HERC6: variants seen among roughly 807,000 people sequenced by gnomAD.
HERC6 encodes probable E3 ubiquitin-protein ligase HERC6.
A neutral mutation model predicts 114.5 loss-of-function variants in HERC6; 101 were observed. The observed-to-expected ratio is 0.88, with a 90% CI of 0.75 to 1.04. The LOEUF is 1.04. HERC6 is among the 50% of genes least tolerant of loss of function. HERC6 has a pLI of 0.00. For synonymous variants in HERC6, 408 were observed against 436.2 expected (o/e 0.94, Z 0.81); for missense variants, 1,133 against 1,230.9 (o/e 0.92, Z 1.19).
intron 5 of HERC6, among the ~76,000 whole-genome samples, chr4:88,394,048 C>G (rs1735067498): frequency 6.6e-6 from 1 of 152,058 alleles, no homozygotes; most frequent in Non-Finnish European, 1.5e-5. Flanking sequence ...ATATATATAC[C>G]AATATCTAGA....
chr4:88,424,083 A>G (rs1737345725), intron 14 of HERC6, 110 bp downstream of exon 14: 2 of 569,616 alleles, frequency 3.5e-6, no homozygotes, highest in Non-Finnish European at 6.1e-6. Flanking sequence ...AAATTTTTTA[A>G]TTGCAATGAT....
At chr4:88,419,869 G>A (rs1736855388) in intron 13 of HERC6, among the ~76,000 whole-genome samples, 1 of 152,074 alleles carries the variant, frequency 6.6e-6, no homozygotes, top group Admixed American at 6.6e-5. Context: ...TACTAATGTT[G>A]TGATAGAGAA....
chr4:88,412,364 G>C (rs1736155155), intron 11 of HERC6, among the ~76,000 whole-genome samples: 1 of 152,110 alleles, frequency 6.6e-6, no homozygotes, highest in Non-Finnish European at 1.5e-5. Context: ...CTAGCACTTT[G>C]GGAGGCCAAG....
chr4:88,431,196 G>A lies in HERC6; in HGVS notation c.2141G>A (p.Gly714Glu). 1.2e-6 allele frequency: 2 copies of A among 1,612,944 alleles called. No homozygotes were observed. The highest frequency in any genetic ancestry group is 1.7e-6 in the Non-Finnish European group (2 of 1,179,388). The change falls in exon 17 of 23, where the codon GGA becomes GAA. Residue 714 changes from glycine (G) to glutamate (E), a missense_variant. This residue lies in a region of HERC6 where 388 missense variants were observed against 445.9 expected (regional missense o/e 0.87). Transcript: ENST00000264346. ...ATTAATGAAATTTGTCCTGAGTCTG[G>A]AGGGGTTAGTTCAGAGTTCTTCCAC... ...EFINEICPES[G>E]GVSSEFFHCM...
chr4:88,398,336 A>G (rs1360019157), intron 8 of HERC6, 127 bp downstream of exon 8: 1 of 464,024 alleles, frequency 2.2e-6, no homozygotes, highest in African/African-American at 2.0e-5. Flanking sequence ...CCTATATTAG[A>G]ATGCTTATGA....
At chr4:88,437,496 C>T (rs1043343595) in intron 19 of HERC6, among the ~76,000 whole-genome samples, 3 of 152,034 alleles carry the variant, frequency 2.0e-5, no homozygotes, top group African/African-American at 7.2e-5. Context: ...AACAACTAAA[C>T]GATAATTTAG....
In HERC6 at chr4:88,416,924, T is replaced by C. The variant is rs1736533476; in HGVS notation, c.1559-501T>C. 2.0e-5 allele frequency among the ~76,000 whole-genome samples: 3 copies of C among 152,290 alleles called. No individual in the cohort carries two copies. The South Asian group carries it at 6.2e-4, about 32-fold the overall frequency. On this transcript the variant is annotated intron_variant, in intron 12 of 22. Transcript: ENST00000264346. Reference sequence around the variant, plus strand: ...GAATTTAAAGGTTCCACATTCCAAATCCATGTTGCAATCCAGTAATATTAA... The same window carrying C: ...GAATTTAAAGGTTCCACATTCCAAACCCATGTTGCAATCCAGTAATATTAA...
At chr4:88,439,236 C>T (rs1221655863) in intron 20 of HERC6, among the ~76,000 whole-genome samples, 2 of 151,980 alleles carry the variant, frequency 1.3e-5, no homozygotes, top group Non-Finnish European at 2.9e-5. Flanking sequence ...GAGCTGGGCA[C>T]CATGGTGCAT....
intron 7 of HERC6, among the ~76,000 whole-genome samples, chr4:88,397,554 G>A (rs1436338905): frequency 4.6e-5 from 7 of 151,782 alleles, no homozygotes; most frequent in Middle Eastern, 3.4e-3. Context: ...AAAATTAGCC[G>A]GGCGTGGTGG....
intron 13 of HERC6, among the ~76,000 whole-genome samples, chr4:88,422,626 C>A (rs865932373): frequency 2.6e-5 from 4 of 152,090 alleles, no homozygotes; most frequent in African/African-American, 4.8e-5. Context: ...TTCAAAGATT[C>A]CATTTGCTGA....
At chr4:88,428,797 T>G (rs1296628740) in intron 16 of HERC6, 47 bp downstream of exon 16, 17 of 1,391,402 alleles carry the variant, frequency 1.2e-5, no homozygotes, top group Non-Finnish European at 1.6e-5. Context: ...GTGGGAGGGA[T>G]GCATTCATAT....
chr4:88,419,147 C>T (rs1313640654), intron 13 of HERC6, among the ~76,000 whole-genome samples: 10 of 152,202 alleles, frequency 6.6e-5, no homozygotes, highest in Admixed American at 5.9e-4. Flanking sequence ...CCAATGGATA[C>T]TGTTAGATCA....
intron 12 of HERC6, among the ~76,000 whole-genome samples, chr4:88,413,660 A>G (rs1400896584): frequency 1.3e-5 from 2 of 152,178 alleles, no homozygotes; most frequent in Non-Finnish European, 2.9e-5. Flanking sequence ...TAAACTTTGT[A>G]TTATTATTAT....
intron 8 of HERC6, among the ~76,000 whole-genome samples, chr4:88,403,817 T>G (rs905615183): frequency 6.6e-6 from 1 of 151,798 alleles, no homozygotes; most frequent in African/African-American, 2.4e-5. Context: ...GAGGTAGGTA[T>G]TATTATCTTT....
rs760761464 is a variant in HERC6, at chr4:88,378,932, G to C, written c.11G>C (p.Cys4Ser). 4 of 1,592,896 alleles carry C rather than the reference G, an allele frequency of 2.5e-6. No individual in the cohort carries two copies. Among genetic ancestry groups the C allele is most frequent in the Non-Finnish European group, 3.4e-6 (4 of 1,170,544 alleles). ...GGGCGCAGAAGCGGGATGTACTTCT[G>C]TTGGGGCGCCGACTCCAGGGAGCTG... MYF[C>S]WGADSRELQR... Residue 4 changes from cysteine to serine, a missense_variant, in exon 1 of 23, where the codon TGT (cysteine) becomes TCT (serine). Physicochemically the swap from Cys to Ser is moderately radical, Grantham distance 112. Around this residue, in one of 3 missense-constraint regions of HERC6, gnomAD observed 735 missense variants for 754.0 expected, o/e 0.97. Coordinates refer to ENST00000264346, the MANE Select transcript of HERC6 (RefSeq NM_017912.4).
At position 88,413,189 on chromosome 4, in the gene HERC6, C is replaced by G. The variant is rs1424229191; in HGVS notation, c.1481C>G (p.Ser494Cys). The change falls in exon 12 of 23, where the codon TCT becomes TGT. Residue 494 changes from serine (S) to cysteine (C), a missense_variant. Coordinates refer to ENST00000264346, the MANE Select transcript of HERC6 (RefSeq NM_017912.4). ...CCAGAATGTCCTGTGATGCATGATT[C>G]TAAGAACTGGAAGAACCTGGTGGTT... ...LLPECPVMHD[S>C]KNWKNLVVPF... is the part of the protein sequence containing the mutation. 1 of 1,613,398 alleles carries G rather than the reference C, an allele frequency of 6.2e-7. No individual in the cohort carries two copies. Among genetic ancestry groups the G allele is most frequent in the African/African-American group, 1.3e-5 (1 of 74,874 alleles).
intron 15 of HERC6, among the ~76,000 whole-genome samples, chr4:88,426,835 CTCT>C (rs1737691438): frequency 2.0e-5 from 3 of 152,218 alleles, no homozygotes; most frequent in Admixed American, 2.0e-4. Context: ...ACCAGGTCAT[CTCT>C]TCTTTTATTT....
rs776371325 is a variant in HERC6 at position 88,413,149 on chromosome 4, G to T, written c.1441G>T (p.Val481Phe). 1.2e-6 allele frequency: 2 copies of T among 1,613,638 alleles called. No individual in the cohort carries two copies. Among genetic ancestry groups the T allele is most frequent in the African/African-American group, 1.3e-5 (1 of 75,002 alleles). ...CHSPHQEALSVFLLLPECPVM... is the reference protein window; with the variant it reads ...CHSPHQEALSFFLLLPECPVM... ...TTCTCCACACCAAGAAGCTTTATCA[G>T]TTTTCCTCCTGCTCCCAGAATGTCC... The change falls in exon 12 of 23, where the codon GTT becomes TTT. Residue 481 changes from valine (V) to phenylalanine (F), a missense_variant. Transcript: ENST00000264346.
At chr4:88,379,829 A>AAT (rs1382738043) in intron 1 of HERC6, among the ~76,000 whole-genome samples, 1 of 76,824 alleles carries the variant, frequency 1.3e-5, no homozygotes, top group African/African-American at 5.3e-5. Flanking sequence ...ATAACATATA[A>AAT]ATATATATAA....
Sources: allele counts gnomAD v4.1 joint callset (sites outside exome capture counted in the v4.1 genomes callset), GRCh38; gene constraint gnomAD v4.1.1; regional missense constraint gnomAD v4.1.1; transcripts MANE v1.5; gene names NCBI Gene and HGNC (gene_info 2026-07-23, HGNC 2026-07-21).